ZNF487: variants seen among roughly 807,000 people sequenced by gnomAD.
ZNF487 encodes KRAB domain only 1.
Under a neutral mutation model 3.0 loss-of-function variants are expected in ZNF487, and 4 were observed. The ratio of observed to expected loss-of-function variants is 1.35; its 90% CI spans 0.66 to 3.08. The LOEUF is 3.08. Among genes scored for constraint, ZNF487 ranks in the 30% most tolerant of loss-of-function variants. The probability of loss-of-function intolerance (pLI) is 0.01; values close to 1 mark genes in which losing one functional copy is unlikely to be tolerated. For missense variants in ZNF487, 146 were observed against 98.7 expected (o/e 1.48, Z -2.03); for synonymous variants, 55 against 34.6 (o/e 1.59, Z -2.06).
At chr10:43,461,026 G>A (rs754197860) in intron 1 of ZNF487, among the ~76,000 whole-genome samples, 10 of 145,588 alleles carry the variant, frequency 6.9e-5, no homozygotes, top group Non-Finnish European at 1.2e-4. Flanking sequence ...TTTTTTTTGA[G>A]ACAGAGTTTC....
At chr10:43,451,245 C>CTAT (rs754875726) in intron 1 of ZNF487, among the ~76,000 whole-genome samples, 2 of 143,512 alleles carry the variant, frequency 1.4e-5, no homozygotes, top group Admixed American at 1.4e-4. Flanking sequence ...CATGGATGGC[C>CTAT]TATTATTATT....
intron 1 of ZNF487, among the ~76,000 whole-genome samples, chr10:43,442,685 C>T (rs1489811411): frequency 6.6e-6 from 1 of 152,096 alleles, no homozygotes; most frequent in Non-Finnish European, 1.5e-5. Context: ...CCTCGTGATC[C>T]ACCCGCCTTA....
chr10:43,445,353 A>T (rs541935235), intron 1 of ZNF487, among the ~76,000 whole-genome samples: 1 of 152,044 alleles, frequency 6.6e-6, no homozygotes. Flanking sequence ...ATTGTAGGTC[A>T]TGTTTTCTTG....
the ZNF487 span, among the ~76,000 whole-genome samples, chr10:43,520,907 G>T: frequency 8.5e-5 from 13 of 152,184 alleles, no homozygotes; most frequent in Admixed American, 8.5e-4. Flanking sequence ...ATAGCAAATA[G>T]AATCCATTTG....
chr10:43,445,769 T>A (rs1839774391), intron 1 of ZNF487, among the ~76,000 whole-genome samples: 1 of 152,046 alleles, frequency 6.6e-6, no homozygotes, highest in African/African-American at 2.4e-5. Flanking sequence ...GGAGAGAAGT[T>A]CAGCAGATAA....
intron 1 of ZNF487, among the ~76,000 whole-genome samples, chr10:43,464,890 C>G (rs943876685): frequency 5.3e-5 from 8 of 152,324 alleles, no homozygotes; most frequent in African/African-American, 1.9e-4. Flanking sequence ...TTGGGTACAC[C>G]TCCCAGACGG....
the ZNF487 span, among the ~76,000 whole-genome samples, chr10:43,493,534 C>T: frequency 1.3e-5 from 2 of 151,010 alleles, no homozygotes; most frequent in Non-Finnish European, 2.9e-5. Flanking sequence ...TCTCTACAAA[C>T]AGTAAAAATA....
At chr10:43,479,102 C>CATATAT (rs1009747135) in intron 3 of ZNF487, among the ~76,000 whole-genome samples, 22 of 90,288 alleles carry the variant, frequency 2.4e-4, no homozygotes, top group Non-Finnish European at 4.7e-4. Context: ...TATATACACA[C>CATATAT]ATATATACAC....
At chr10:43,460,848 AG>A (rs1231921908) in intron 1 of ZNF487, among the ~76,000 whole-genome samples, 3 of 151,714 alleles carry the variant, frequency 2.0e-5, no homozygotes, top group African/African-American at 7.3e-5. Flanking sequence ...AGGCACCACC[AG>A]GACTGGCTAA....
chr10:43,490,952 G>GCCTCTACTTCGTTTTTTATTCATTTTC, the ZNF487 span, among the ~76,000 whole-genome samples: 1 of 148,654 alleles, frequency 6.7e-6, no homozygotes, highest in East Asian at 2.0e-4. Flanking sequence ...GGGATTACAG[G>GCCTCTACTTCGTTTTTTATTCATTTTC]CATGAGCCAC....
intron 1 of ZNF487, among the ~76,000 whole-genome samples, chr10:43,457,585 A>G (rs1373566800): frequency 3.3e-5 from 5 of 150,482 alleles, no homozygotes; most frequent in African/African-American, 1.2e-4. Context: ...AAGAAAAAGA[A>G]AAGAATTCCT....
chr10:43,498,357 C>T, the ZNF487 span, among the ~76,000 whole-genome samples: 2 of 147,726 alleles, frequency 1.4e-5, no homozygotes, highest in Non-Finnish European at 3.0e-5. Flanking sequence ...CGGCTCACTG[C>T]AACTTCCGCC....
the ZNF487 span, among the ~76,000 whole-genome samples, chr10:43,492,102 A>C: frequency 6.6e-6 from 1 of 151,622 alleles, no homozygotes; most frequent in South Asian, 2.1e-4. Context: ...ACATCCCGCC[A>C]TGAGCTGCTA....
the ZNF487 span, among the ~76,000 whole-genome samples, chr10:43,490,202 G>C: frequency 6.6e-6 from 1 of 151,722 alleles, no homozygotes; most frequent in Non-Finnish European, 1.5e-5. Flanking sequence ...ATACAAAAAG[G>C]GGTAGCCAGT....
At chr10:43,487,373 T>C (rs1841479478), downstream of ZNF487, among the ~76,000 whole-genome samples, 1 of 152,046 alleles carries the variant, frequency 6.6e-6, no homozygotes, top group Admixed American at 6.6e-5. Flanking sequence ...TTTCCTGACC[T>C]CGTGATCTGC....
chr10:43,487,399 A>G (rs572960951), downstream of ZNF487, among the ~76,000 whole-genome samples: 1 of 151,686 alleles, frequency 6.6e-6, no homozygotes, highest in East Asian at 1.9e-4. Flanking sequence ...TCCGCCTCCC[A>G]AAGTGCTGGG....
chr10:43,441,034 ATTTTTTTTTTTTTTTTTTTTTTT>A (rs763451709), intron 1 of ZNF487, among the ~76,000 whole-genome samples: 1 of 44,544 alleles, frequency 2.2e-5, no homozygotes, highest in African/African-American at 1.1e-4. Context: ...ACCTGGTTAA[ATTTTTTTTTTTTTTTTTTTTTTT>A]TTTTTTTTTT....
In ZNF487 at chr10:43,482,027, G is replaced by A; in HGVS notation, c.*105G>A. On this transcript the variant is annotated 3_prime_UTR_variant, in exon 4 of 4. Transcript: ENST00000437590. ...CATGAATTCAATGAATGTGAGAGGA[G>A]GTCTGGTGAGAGGCCACCTGTAAAT... The A allele has an allele frequency of 1.7e-6, 1 of 585,900 alleles. No homozygotes were observed. The highest frequency in any genetic ancestry group is 3.0e-6 in the Non-Finnish European group (1 of 333,146). 36.3% of individuals were successfully genotyped at this position (585,900 alleles called of 1,614,324 possible). A position where few individuals can be genotyped will look rare whatever the true frequency, so the allele number is the denominator to read the frequency against.
intron 1 of ZNF487, chr10:43,453,107 C>CG (rs1226475522): frequency 6.6e-6 from 1 of 152,022 alleles, no homozygotes; most frequent in Non-Finnish European, 1.5e-5. Context: ...ATGAGGCCAG[C>CG]GGTGTCTGCC....
Sources: gnomAD v4.1 joint callset for allele counts (sites outside exome capture counted in the v4.1 genomes callset) on GRCh38, gnomAD v4.1.1 for gene constraint, MANE v1.5 for transcripts, NCBI Gene and HGNC (gene_info 2026-07-23, HGNC 2026-07-21) for gene names.